EXOC4: variants seen among roughly 807,000 people sequenced by gnomAD.
The protein encoded by EXOC4 is SEC8-like 1.
A neutral mutation model predicts 107.2 loss-of-function variants in EXOC4; 71 were observed. The observed-to-expected ratio is 0.66, with a 90% CI of 0.55 to 0.81. The LOEUF (loss-of-function observed/expected upper bound fraction) is 0.81. EXOC4 is among the 30% of genes least tolerant of loss of function. The pLI, the probability that EXOC4 is intolerant of heterozygous loss-of-function variation, is 0.00. For synonymous variants in EXOC4, 456 were observed against 441.2 expected (o/e 1.03, Z -0.42); for missense variants, 1,108 against 1,189.6 (o/e 0.93, Z 1.01).
At chr7:133,306,367 T>G (rs528162270) in intron 4 of EXOC4, among the ~76,000 whole-genome samples, 11 of 152,278 alleles carry the variant, frequency 7.2e-5, no homozygotes, top group African/African-American at 2.6e-4. Context: ...GTAGAAAAAT[T>G]CTTAAATTGG....
intron 11 of EXOC4, among the ~76,000 whole-genome samples, chr7:133,840,654 T>C (rs1798007242): frequency 1.3e-5 from 2 of 152,074 alleles, no homozygotes; most frequent in African/African-American, 2.4e-5. Context: ...GGCTATTTTT[T>C]GTATTTTTAG....
chr7:134,080,627 G>A, the EXOC4 span, among the ~76,000 whole-genome samples: 1 of 151,928 alleles, frequency 6.6e-6, no homozygotes, highest in Non-Finnish European at 1.5e-5. Flanking sequence ...ATGGAGGGAG[G>A]TGGACAGATT....
At chr7:133,504,762 G>A (rs899654315) in intron 9 of EXOC4, among the ~76,000 whole-genome samples, 5 of 151,820 alleles carry the variant, frequency 3.3e-5, no homozygotes, top group South Asian at 2.1e-4. Context: ...TATTTCTGCC[G>A]GGGTAACTGT....
At chr7:133,268,055 C>T (rs1584763108) in intron 1 of EXOC4, among the ~76,000 whole-genome samples, 1 of 152,160 alleles carries the variant, frequency 6.6e-6, no homozygotes, top group Non-Finnish European at 1.5e-5. Context: ...ATATATCAGA[C>T]AACACTTCCG....
intron 10 of EXOC4, among the ~76,000 whole-genome samples, chr7:133,778,421 C>G (rs1796390935): frequency 6.6e-6 from 1 of 152,130 alleles, no homozygotes; most frequent in African/African-American, 2.4e-5. Flanking sequence ...GAGACTCTCT[C>G]TACAGATAAT....
At chr7:133,433,157 T>A (rs1205745695) in intron 7 of EXOC4, among the ~76,000 whole-genome samples, 1 of 152,192 alleles carries the variant, frequency 6.6e-6, no homozygotes, top group East Asian at 1.9e-4. Context: ...GGATACCAGA[T>A]GTGGTAAACA....
intron 9 of EXOC4, among the ~76,000 whole-genome samples, chr7:133,506,527 A>G (rs751597665): frequency 1.2e-4 from 18 of 152,036 alleles, no homozygotes; most frequent in Non-Finnish European, 2.4e-4. Flanking sequence ...TAATTTTGCT[A>G]TTTCAAAAAA....
intron 11 of EXOC4, among the ~76,000 whole-genome samples, chr7:133,887,811 ATGT>A (rs1799119251): frequency 6.6e-6 from 1 of 152,070 alleles, no homozygotes; most frequent in Admixed American, 6.6e-5. Context: ...TGCTGCCCAC[ATGT>A]TGTAGGATAT....
chr7:133,393,327 G>A (rs1796895127), intron 7 of EXOC4, among the ~76,000 whole-genome samples: 1 of 152,064 alleles, frequency 6.6e-6, no homozygotes, highest in East Asian at 1.9e-4. Context: ...CTCACAACTA[G>A]TCTTTAAGCC....
At chr7:133,489,239 G>GTAA (rs141426453) in intron 9 of EXOC4, among the ~76,000 whole-genome samples, 1,861 of 152,226 alleles carry the variant, frequency 0.012, 42 homozygotes, top group African/African-American at 0.042. Flanking sequence ...AAAGATCCTA[G>GTAA]TAATGTTCTC....
chr7:133,837,640 CT>C (rs1197461270), intron 11 of EXOC4, among the ~76,000 whole-genome samples: 2 of 152,158 alleles, frequency 1.3e-5, no homozygotes, highest in South Asian at 2.1e-4. Flanking sequence ...AGCAACAAAA[CT>C]TTCTCTTTCA....
At chr7:133,906,934 C>T (rs960406564) in intron 12 of EXOC4, among the ~76,000 whole-genome samples, 8 of 152,170 alleles carry the variant, frequency 5.3e-5, no homozygotes, top group African/African-American at 9.7e-5. Flanking sequence ...TTACACTCAC[C>T]GCACAGCCCA....
intron 11 of EXOC4, among the ~76,000 whole-genome samples, chr7:133,852,510 G>A (rs1798258015): frequency 6.6e-6 from 1 of 152,068 alleles, no homozygotes; most frequent in Non-Finnish European, 1.5e-5. Context: ...TATTTTTACT[G>A]CAAGGATAGC....
chr7:133,635,855 A>G (rs1475783339), intron 10 of EXOC4, among the ~76,000 whole-genome samples: 2 of 152,184 alleles, frequency 1.3e-5, no homozygotes, highest in Non-Finnish European at 2.9e-5. Flanking sequence ...CAAGAATATC[A>G]GCTCTATGGG....
chr7:133,822,527 TAG>T, intron 11 of EXOC4, among the ~76,000 whole-genome samples: 2 of 152,340 alleles, frequency 1.3e-5, no homozygotes, highest in South Asian at 4.1e-4. Flanking sequence ...CCTTGCTACT[TAG>T]AGAGTGTTCT....
chr7:133,347,376 T>C (rs1261438237), intron 5 of EXOC4, among the ~76,000 whole-genome samples: 1 of 152,064 alleles, frequency 6.6e-6, no homozygotes, highest in African/African-American at 2.4e-5. Context: ...CCCGAGTAGC[T>C]GGGACTACAG....
intron 14 of EXOC4, among the ~76,000 whole-genome samples, chr7:133,978,252 C>T (rs1339015904): frequency 6.6e-6 from 1 of 152,220 alleles, no homozygotes; most frequent in African/African-American, 2.4e-5. Context: ...TTGGTCTGGG[C>T]TGCTGCACTA....
At chr7:133,859,935 G>A (rs778407350) in intron 11 of EXOC4, among the ~76,000 whole-genome samples, 196 of 152,124 alleles carry the variant, frequency 1.3e-3, no homozygotes, top group Non-Finnish European at 2.3e-3. Context: ...ACAAAGATTT[G>A]TGCTGTCTTC....
intron 11 of EXOC4, among the ~76,000 whole-genome samples, chr7:133,831,215 G>A (rs1163433504): frequency 6.6e-6 from 1 of 152,086 alleles, no homozygotes; most frequent in East Asian, 1.9e-4. Context: ...CACCTGCCTT[G>A]GCCTCCCAAA....
Sources: gnomAD v4.1 joint callset for allele counts (sites outside exome capture counted in the v4.1 genomes callset) on GRCh38, gnomAD v4.1.1 for gene constraint, MANE v1.5 for transcripts, NCBI Gene and HGNC (gene_info 2026-07-23, HGNC 2026-07-21) for gene names.